The following SYNE2 variants were observed in gnomAD, a reference collection of about 807,000 sequenced individuals.
SYNE2 encodes spectrin repeat containing nuclear envelope protein 2.
In SYNE2, 431 loss-of-function variants were observed where a neutral mutation model predicts 856.3. The ratio of observed to expected loss-of-function variants is 0.50; its 90% CI spans 0.47 to 0.55. The LOEUF is 0.55. Among genes scored for constraint, SYNE2 ranks in the 20% least tolerant of loss-of-function variants. SYNE2 has a pLI of 0.00. For missense variants in SYNE2, 8,129 were observed against 8,023.2 expected, an observed-to-expected ratio of 1.01 and a Z score of -0.50; for synonymous variants, 2,923 against 2,872.3, an observed-to-expected ratio of 1.02 and a Z score of -0.56.
intron 99 of SYNE2, among the ~76,000 whole-genome samples, chr14:64,195,839 G>T (rs1293273749): frequency 1.3e-5 from 2 of 152,198 alleles, no homozygotes; most frequent in Non-Finnish European, 2.9e-5. Context: ...GATCCAGTGG[G>T]ACTGGAAGGA....
At position 64,053,190 on chromosome 14, in the gene SYNE2, AAAGCC is replaced by A; in HGVS notation, c.9281_9285del (p.Ala3094ValfsTer4). On this transcript the variant is annotated frameshift_variant, in exon 48 of 116. Transcript: ENST00000555002. LOFTEE classifies it high-confidence loss of function. The stretch of plus-strand genomic sequence containing the variant: ...CCAAATTTTAAGTCAGAGAATTGAG[AAAGCC>A]AAGTGTTTATGTGATGAGATAATAA... The A allele has an allele frequency of 6.2e-7, 1 of 1,614,126 alleles. No individual in the cohort carries two copies. The highest frequency in any genetic ancestry group is 8.5e-7 in the Non-Finnish European group (1 of 1,180,012).
At chr14:63,940,086 T>TC (rs386381585) in intron 2 of SYNE2, among the ~76,000 whole-genome samples, 1 of 151,464 alleles carries the variant, frequency 6.6e-6, no homozygotes, top group Non-Finnish European at 1.5e-5. Context: ...TTTTTTTTTT[T>TC]TTCTTTCATG....
At chr14:63,816,903 G>A (rs1442174231) in intron 1 of SYNE2, among the ~76,000 whole-genome samples, 1 of 151,908 alleles carries the variant, frequency 6.6e-6, no homozygotes, top group South Asian at 2.1e-4. Context: ...ATTATTTTAA[G>A]AAACAGGGTC....
At chr14:64,214,123 A>C in intron 105 of SYNE2, 71 bp from the exon 106 acceptor site, 1 of 1,611,830 alleles carries the variant, frequency 6.2e-7, no homozygotes, top group Non-Finnish European at 8.5e-7. Context: ...AGATAGGCAG[A>C]CTTCTCATGC....
At chr14:63,948,742 A>ATG (rs370910816) in intron 6 of SYNE2, among the ~76,000 whole-genome samples, 49,504 of 95,334 alleles carry the variant, frequency 0.52, 14,727 homozygotes, top group South Asian at 0.63. Context: ...GTGTATAGAT[A>ATG]TGTGTGTGTA....
rs1450597938 is a variant in SYNE2 at position 63,812,744 on chromosome 14, C to G, written c.-304-39757C>G. Among the ~76,000 whole-genome samples, 4 of 152,198 alleles carry G rather than the reference C, an allele frequency of 2.6e-5. No individual in the cohort carries two copies. In the East Asian group the frequency reaches 5.8e-4, roughly 22 times the overall value. On this transcript the variant is annotated intron_variant, in intron 1 of 23. Coordinates refer to the SYNE2 transcript ENST00000674003. The stretch of plus-strand genomic sequence containing the variant: ...CCAGCTGGTCCCTCCATTTGGGGTC[C>G]CTGACTTCCTGCAACAGTTGACTTT...
At chr14:63,939,441 C>A (rs368929909) in intron 2 of SYNE2, among the ~76,000 whole-genome samples, 1 of 151,176 alleles carries the variant, frequency 6.6e-6, no homozygotes, top group South Asian at 2.1e-4. Flanking sequence ...TCCGCCTCCT[C>A]GGTTCAAATG....
At chr14:64,038,249 C>G (rs1385061327) in intron 45 of SYNE2, among the ~76,000 whole-genome samples, 1 of 150,244 alleles carries the variant, frequency 6.7e-6, no homozygotes, top group Non-Finnish European at 1.5e-5. Flanking sequence ...AGGATGGCGG[C>G]CGGGAAGAGG....
At chr14:64,147,451 T>C (rs1041328476) in intron 84 of SYNE2, among the ~76,000 whole-genome samples, 9 of 152,224 alleles carry the variant, frequency 5.9e-5, no homozygotes, top group Admixed American at 2.6e-4. Context: ...AATGACATTC[T>C]GGTCCCTCAC....
chr14:64,189,062 G>C (rs1400088495), intron 98 of SYNE2: 7 of 690,142 alleles, frequency 1.0e-5, no homozygotes, highest in African/African-American at 1.8e-5. Context: ...GGCCTGGCGT[G>C]GTGGCTCATT....
At chr14:64,178,794 G>A (rs546020722) in intron 96 of SYNE2, among the ~76,000 whole-genome samples, 42 of 152,322 alleles carry the variant, frequency 2.8e-4, no homozygotes, top group African/African-American at 9.1e-4. Context: ...TATATGGCTA[G>A]GCATGGTGGC....
In SYNE2 at chr14:63,908,232, G is replaced by A. The variant is rs936041044; in HGVS notation, c.-51-866G>A. On this transcript the variant is annotated intron_variant, in intron 1 of 115. Coordinates refer to ENST00000555002, the MANE Select transcript of SYNE2 (RefSeq NM_182914.3). ...AGGAATTTAAAAGTGAATACCTATA[G>A]GGTCAACACATAGATTCTAACATTA... is the stretch of plus-strand genomic sequence containing the variant. Among the ~76,000 whole-genome samples, 12 of 152,218 alleles carry A rather than the reference G, an allele frequency of 7.9e-5. No individual in the cohort carries two copies. In the East Asian group the frequency reaches 2.3e-3, roughly 29 times the overall value.
intron 7 of SYNE2, among the ~76,000 whole-genome samples, chr14:63,951,334 C>G (rs758962703): frequency 2.0e-4 from 30 of 151,808 alleles, no homozygotes; most frequent in Admixed American, 9.8e-4. Flanking sequence ...GAGAGTTTCG[C>G]TCTTGTCGCC....
intron 35 of SYNE2, 146 bp downstream of exon 35, chr14:64,020,239 G>A: frequency 1.5e-6 from 1 of 648,694 alleles, no homozygotes. Context: ...TATAACAGGG[G>A]TGTCCTGTCT....
At chr14:64,029,200 A>G (rs2097010293) in intron 43 of SYNE2, among the ~76,000 whole-genome samples, 1 of 152,302 alleles carries the variant, frequency 6.6e-6, no homozygotes, top group Non-Finnish European at 1.5e-5. Flanking sequence ...TTTTAATAGA[A>G]GTGTTTATAA....
chr14:63,865,432 G>T (rs1555352176), intron 1 of SYNE2, among the ~76,000 whole-genome samples: 1 of 151,474 alleles, frequency 6.6e-6, no homozygotes, highest in African/African-American at 2.4e-5. Context: ...TGAGCTGAGG[G>T]TGTATTGCCA....
chr14:64,076,740 ATTTT>A (rs35509549), intron 54 of SYNE2, among the ~76,000 whole-genome samples: 2 of 122,172 alleles, frequency 1.6e-5, no homozygotes, highest in African/African-American at 2.9e-5. Flanking sequence ...CCACAGAAGG[ATTTT>A]TTTTTTTTTT....
intron 34 of SYNE2, among the ~76,000 whole-genome samples, chr14:64,017,972 A>T (rs1302764843): frequency 2.0e-5 from 3 of 152,220 alleles, no homozygotes; most frequent in African/African-American, 7.2e-5. Flanking sequence ...AGATCTTGTT[A>T]TATAATGGGG....
intron 57 of SYNE2, chr14:64,084,940 C>A: frequency 1.4e-6 from 1 of 702,070 alleles, no homozygotes; most frequent in South Asian, 1.5e-5. Flanking sequence ...TGTTGACAGG[C>A]CTCAAAAGAT....
Sources: allele counts gnomAD v4.1 joint callset (sites outside exome capture counted in the v4.1 genomes callset), GRCh38; gene constraint gnomAD v4.1.1; transcripts MANE v1.5; gene names NCBI Gene and HGNC (gene_info 2026-07-23, HGNC 2026-07-21).